The following CHD8 variants were observed in gnomAD, a reference collection of about 807,000 sequenced individuals.
CHD8 encodes the protein chromodomain helicase DNA binding protein 8, also known as ATP-dependent chromatin remodeler CHD8.
A neutral mutation model predicts 279.2 loss-of-function variants in CHD8; 31 were observed. The ratio of observed to expected loss-of-function variants is 0.11; its 90% CI spans 0.08 to 0.15. CHD8 has a LOEUF of 0.15. CHD8 is among the 10% of genes least tolerant of loss of function. The probability of loss-of-function intolerance (pLI) is 1.00; values close to 1 mark genes in which losing one functional copy is unlikely to be tolerated. For missense variants in CHD8, 2,146 were observed against 3,230.5 expected, an observed-to-expected ratio of 0.66 and a Z score of 8.14; for synonymous variants, 1,081 against 1,139.6, an observed-to-expected ratio of 0.95 and a Z score of 1.04.
intron 20 of CHD8, chr14:21,401,745 T>A: frequency 1.7e-6 from 1 of 588,984 alleles, no homozygotes; most frequent in Non-Finnish European, 2.9e-6. Flanking sequence ...CCACCATTCC[T>A]GGCTAATTTT....
Position 21,429,023 on chromosome 14 carries a change from G to C in CHD8, c.1156C>G (p.Pro386Ala), listed in dbSNP as rs767936386. The part of the protein sequence containing the change: ...SSVQQAQIMG[P>A]GQSPGQRLSV... Reference sequence around the variant, plus strand: ...AGTCTTTGTCCTGGGCTTTGTCCTGGTCCCATTATCTGAGCCTGCTGTACA... The same window carrying C: ...AGTCTTTGTCCTGGGCTTTGTCCTGCTCCCATTATCTGAGCCTGCTGTACA... Residue 386 changes from proline to alanine, a missense_variant, in exon 3 of 38, where the codon CCA (proline) becomes GCA (alanine). Physicochemically the swap from Pro to Ala is conservative, Grantham distance 27. Coordinates refer to ENST00000646647, the MANE Select transcript of CHD8 (RefSeq NM_001170629.2). 1 of 1,613,972 alleles carries C rather than the reference G, an allele frequency of 6.2e-7. No individual in the cohort carries two copies. Among genetic ancestry groups the C allele is most frequent in the South Asian group, 1.1e-5 (1 of 91,086 alleles).
rs575570268 is a variant in CHD8, at chr14:21,415,628, T to C, written c.1914A>G (p.Glu638=). 3.1e-6 allele frequency: 5 copies of C among 1,608,704 alleles called. No homozygotes were observed. Among genetic ancestry groups the C allele is most frequent in the Non-Finnish European group, 4.2e-6 (5 of 1,177,476 alleles). ...CTTTGTCTACAATGGCTGCATCTTCTTCACTGGGATTCTCCTGCAGCAAAA... is the reference window on the plus strand; with the variant it reads ...CTTTGTCTACAATGGCTGCATCTTCCTCACTGGGATTCTCCTGCAGCAAAA... ...SMQFFVENPS[E]EDAAIVDKVL... Residue 638 remains glutamate, a synonymous_variant, in exon 7 of 38, where the codon GAA becomes GAG. Transcript: ENST00000646647.
At chr14:21,450,133 A>C (rs1222490852) in intron 1 of CHD8, among the ~76,000 whole-genome samples, 1 of 152,240 alleles carries the variant, frequency 6.6e-6, no homozygotes, top group Non-Finnish European at 1.5e-5. Flanking sequence ...CAGCAATAGA[A>C]AATGAAAAAA....
chr14:21,445,787 G>C (rs1443018706), intron 1 of CHD8, among the ~76,000 whole-genome samples: 2 of 151,470 alleles, frequency 1.3e-5, no homozygotes, highest in Non-Finnish European at 2.9e-5. Context: ...GGATCACGAG[G>C]TCAGGAGTTC....
At position 21,438,628 on chromosome 14, in the gene CHD8, A is replaced by T. The variant is rs182667600; in HGVS notation, c.-215-6770T>A. Among the ~76,000 whole-genome samples, 974 of 151,320 alleles carry T rather than the reference A, an allele frequency of 6.4e-3. 8 individuals carry two copies. The highest frequency in any genetic ancestry group is 0.011 in the Non-Finnish European group (715 of 67,876). On this transcript the variant is annotated intron_variant, in intron 1 of 37. Transcript: ENST00000646647. ...GGCGGGCAGACCACAAGGTCAAGAGATCTAGACCATCCTGGTCAACATGGT... is the reference window on the plus strand; with the variant it reads ...GGCGGGCAGACCACAAGGTCAAGAGTTCTAGACCATCCTGGTCAACATGGT...
rs906179176 is a variant in CHD8 at position 21,405,561 on chromosome 14, C to T, written c.3052-97G>A. 2.0e-6 allele frequency: 3 copies of T among 1,503,494 alleles called. No individual in the cohort carries two copies. The highest frequency in any genetic ancestry group is 2.7e-6 in the Non-Finnish European group (3 of 1,112,866). 93.1% of individuals were successfully genotyped at this position (1,503,494 alleles called of 1,614,324 possible). On this transcript the variant is annotated intron_variant, in intron 15 of 37. Transcript: ENST00000646647. The surrounding 1 kb of genome is among the most constrained non-coding windows in gnomAD (Gnocchi z 4.2). ...TGGAAAAATTAGAGTTTTCCACTAT[C>T]TAAGAAATGTATACTTTGGATGATG...
chr14:21,385,409 G>GTA lies in CHD8; in HGVS notation c.*202_*203dup. On this transcript the variant is annotated 3_prime_UTR_variant, in exon 38 of 38. Coordinates refer to ENST00000646647, the MANE Select transcript of CHD8 (RefSeq NM_001170629.2). ...TCCCCAGAAATGAGGAAGTGGTCATGTATTATTTTAGGAGTTCCCCTGCCC... is the reference window on the plus strand; with the variant it reads ...TCCCCAGAAATGAGGAAGTGGTCATGTATATTATTTTAGGAGTTCCCCTGCCC... The GTA allele has an allele frequency of 1.3e-6, 1 of 767,090 alleles. No homozygotes were observed. The highest frequency in any genetic ancestry group is 2.0e-6 in the Non-Finnish European group (1 of 502,400). The allele number at this position is 767,090 out of a possible 1,614,324, so 47.5% of individuals were successfully genotyped here.
intron 37 of CHD8, among the ~76,000 whole-genome samples, chr14:21,388,392 A>T (rs1359089560): frequency 1.3e-5 from 2 of 152,254 alleles, no homozygotes; most frequent in African/African-American, 4.8e-5. Flanking sequence ...AACTATTTAC[A>T]TAGTATTTAT....
chr14:21,435,542 C>A (rs1889747257), intron 1 of CHD8, among the ~76,000 whole-genome samples: 1 of 152,080 alleles, frequency 6.6e-6, no homozygotes, highest in African/African-American at 2.4e-5. Context: ...AACTGTCTGT[C>A]CTATGATAAA....
intron 1 of CHD8, chr14:21,437,075 T>A (rs1354700925): frequency 5.4e-6 from 3 of 555,010 alleles, no homozygotes; most frequent in Non-Finnish European, 9.0e-6. Context: ...GGGTGGGGGG[T>A]GTGGATGCCC....
rs76412542 is a variant in CHD8 at position 21,442,886 on chromosome 14, T to C, written c.-215-11028A>G. Among the ~76,000 whole-genome samples the C allele has an allele frequency of 9.2e-5, 14 of 151,422 alleles. No homozygotes were observed. In the East Asian group the frequency reaches 2.5e-3, roughly 27 times the overall value. On this transcript the variant is annotated intron_variant, in intron 1 of 37. Coordinates refer to ENST00000646647, the MANE Select transcript of CHD8 (RefSeq NM_001170629.2). Reference sequence around the variant, plus strand: ...AAGAGAACAACTGCACAAATATTGTTGGGAGAGACAAGAGAATGTTAATGA... The same window carrying C: ...AAGAGAACAACTGCACAAATATTGTCGGGAGAGACAAGAGAATGTTAATGA...
chr14:21,409,866 T>C lies in CHD8; in HGVS notation c.2349A>G (p.Pro783=), dbSNP rs1888412727. ...REFKRIQSRH[P]ELKRVNRPQA... ...ATGTACTTACCACCCTTTTGAGTTC[T>C]GGGTGCCTTGACTGAATCCGTTTAA... is the stretch of plus-strand genomic sequence containing the variant. Residue 783 remains proline (P), a synonymous_variant, in exon 11 of 38, where the codon CCA becomes CCG. Coordinates refer to ENST00000646647, the MANE Select transcript of CHD8 (RefSeq NM_001170629.2). The C allele has an allele frequency of 1.2e-6, 2 of 1,613,692 alleles. No homozygotes were observed. The highest frequency in any genetic ancestry group is 1.7e-6 in the Non-Finnish European group (2 of 1,179,674).
rs1888099137 is a variant in CHD8 at position 21,402,938 on chromosome 14, G to C, written c.3714+79C>G. 8.3e-7 allele frequency: 1 copy of C among 1,211,066 alleles called. No individual in the cohort carries two copies. The highest frequency in any genetic ancestry group is 1.5e-5 in the South Asian group (1 of 66,990). The allele number at this position is 1,211,066 out of a possible 1,614,324, so 75.0% of individuals were successfully genotyped here. ...GAAACAATTCCAAACTCTGTGAAAG[G>C]TCTTTCTAAAAGATCCTATTCTTGT... is the stretch of plus-strand genomic sequence containing the variant. On this transcript the variant is annotated intron_variant, in intron 18 of 37. Coordinates refer to ENST00000646647, the MANE Select transcript of CHD8 (RefSeq NM_001170629.2). The surrounding 1 kb of genome is among the most constrained non-coding windows in gnomAD (Gnocchi z 4.5).
chr14:21,393,585 G>A lies in CHD8; in HGVS notation c.6210C>T (p.Asp2070=). The A allele has an allele frequency of 6.2e-7, 1 of 1,613,522 alleles. No homozygotes were observed. Among genetic ancestry groups the A allele is most frequent in the Non-Finnish European group, 8.5e-7 (1 of 1,179,724 alleles). The change falls in exon 32 of 38, where the codon GAC becomes GAT. Residue 2070 remains aspartate, a synonymous_variant. Transcript: ENST00000646647. ...PVKLEDEDDS[D]SELDLSKLSP... ...ACAGCTTGCTCAAGTCCAGCTCAGAGTCCGAATCATCCTCATCCTCCAGTT... is the reference window on the plus strand; with the variant it reads ...ACAGCTTGCTCAAGTCCAGCTCAGAATCCGAATCATCCTCATCCTCCAGTT...
intron 1 of CHD8, among the ~76,000 whole-genome samples, chr14:21,443,873 A>AC (rs1566455052): frequency 1.3e-5 from 2 of 151,808 alleles, no homozygotes. Context: ...AAAAAAAAAA[A>AC]AAAAAACAAC....
At chr14:21,417,885 A>G (rs1888814144) in intron 5 of CHD8, among the ~76,000 whole-genome samples, 1 of 144,908 alleles carries the variant, frequency 6.9e-6, no homozygotes, top group South Asian at 2.1e-4. Context: ...TATATATAAT[A>G]TATATATATA....
In CHD8 at chr14:21,403,244, T is replaced by C; in HGVS notation, c.3519-32A>G. On this transcript the variant is annotated intron_variant, in intron 17 of 37. Transcript: ENST00000646647. The surrounding 1 kb of genome is among the most constrained non-coding windows in gnomAD (Gnocchi z 4.3). Reference sequence around the variant, plus strand: ...GGGAATCGCAGAAAAAAAATGTAAGTGGCTAAGCAGAAGTGGAGACCAAAA... The same window carrying C: ...GGGAATCGCAGAAAAAAAATGTAAGCGGCTAAGCAGAAGTGGAGACCAAAA... 1 of 1,601,170 alleles carries C rather than the reference T, an allele frequency of 6.2e-7. No homozygotes were observed. The highest frequency in any genetic ancestry group is 1.3e-5 in the African/African-American group (1 of 74,722).
rs1343963851 is a variant in CHD8 at position 21,401,080 on chromosome 14, A to G, written c.4174-9T>C. The G allele has an allele frequency of 5.0e-6, 8 of 1,586,146 alleles. No homozygotes were observed. Among genetic ancestry groups the G allele is most frequent in the Admixed American group, 1.8e-5 (1 of 55,032 alleles). On this transcript the variant is annotated splice_polypyrimidine_tract_variant and intron_variant, in intron 21 of 37. Transcript: ENST00000646647. ...TCAATTACCAAATTATTCTATGAAG[A>G]GAACAGAAGGAGAAGTAATTCTCTT...
chr14:21,428,158 G>C lies in CHD8; in HGVS notation c.1312C>G (p.Pro438Ala). The C allele has an allele frequency of 6.2e-7, 1 of 1,614,008 alleles. No individual in the cohort carries two copies. Among genetic ancestry groups the C allele is most frequent in the Non-Finnish European group, 8.5e-7 (1 of 1,179,896 alleles). The change falls in exon 4 of 38, where the codon CCT becomes GCT. Residue 438 changes from proline to alanine, a missense_variant. By Grantham distance (27) the Pro-to-Ala change is conservative. This residue lies in a region of CHD8 where 170 missense variants were observed against 189.9 expected (regional missense o/e 0.90). Transcript: ENST00000646647. Reference protein sequence around the residue: ...AALSSPASSAPHSGGKTGMEE... With the variant: ...AALSSPASSAAHSGGKTGMEE... ...ATTCCTGTCTTTCCCCCCGAATGAG[G>C]AGCAGAGCTTGCTGGTGATGACAAA...
Sources: allele counts gnomAD v4.1 joint callset (sites outside exome capture counted in the v4.1 genomes callset), GRCh38; gene constraint gnomAD v4.1.1; regional missense constraint gnomAD v4.1.1; non-coding constraint Gnocchi (gnomAD v3.1); transcripts MANE v1.5; gene names NCBI Gene and HGNC (gene_info 2026-07-23, HGNC 2026-07-21).